Variants in LYN observed in about 807,000 individuals in gnomAD.
LYN encodes the protein LYN proto-oncogene, Src family tyrosine kinase.
Under a neutral mutation model 65.0 loss-of-function variants are expected in LYN, and 12 were observed. The observed-to-expected ratio is 0.18, with a 90% CI of 0.12 to 0.30. The LOEUF is 0.30. Among genes scored for constraint, LYN ranks in the 10% least tolerant of loss-of-function variants. The pLI, the probability that LYN is intolerant of heterozygous loss-of-function variation, is 1.00. For synonymous variants in LYN, 222 were observed against 221.2 expected (o/e 1.00, Z -0.03); for missense variants, 380 against 623.2 (o/e 0.61, Z 4.16).
At chr8:55,991,295 C>T (rs1045358726) in intron 10 of LYN, among the ~76,000 whole-genome samples, 5 of 152,298 alleles carry the variant, frequency 3.3e-5, no homozygotes, top group Admixed American at 6.5e-5. Flanking sequence ...GGGGTCAGAA[C>T]GTTGGGTAAG....
At chr8:55,918,357 A>G (rs72651478) in intron 1 of LYN, among the ~76,000 whole-genome samples, 2,132 of 152,308 alleles carry the variant, frequency 0.014, 24 homozygotes, top group Middle Eastern at 0.037. Flanking sequence ...GTGGAGATGT[A>G]AAAACACTGA....
At chr8:55,940,793 C>T (rs1271958912) in intron 1 of LYN, among the ~76,000 whole-genome samples, 2 of 152,188 alleles carry the variant, frequency 1.3e-5, no homozygotes, top group African/African-American at 2.4e-5. Context: ...AGCCGTCCTG[C>T]GTTAATGGAA....
intron 1 of LYN, among the ~76,000 whole-genome samples, chr8:55,931,232 A>G (rs917657443): frequency 2.7e-5 from 4 of 149,248 alleles, no homozygotes; most frequent in South Asian, 2.1e-4. Flanking sequence ...TATCCTATAC[A>G]TAACCTTATG....
chr8:55,964,842 C>T (rs1400090544), intron 8 of LYN, among the ~76,000 whole-genome samples: 1 of 152,258 alleles, frequency 6.6e-6, no homozygotes, highest in African/African-American at 2.4e-5. Flanking sequence ...TTGTTTTACT[C>T]AGCAGGCTTC....
Position 55,920,867 on chromosome 8 carries a change from T to A in LYN, c.-5-20988T>A, listed in dbSNP as rs940159788. On this transcript the variant is annotated intron_variant, in intron 1 of 12. Coordinates refer to ENST00000519728, the MANE Select transcript of LYN (RefSeq NM_002350.4). ...ATGTGCTACCACGCCTGGCTAATTT[T>A]TGTATTTTTAGTAGAGACAGGGTTT... is the stretch of plus-strand genomic sequence containing the variant. 5.3e-5 allele frequency among the ~76,000 whole-genome samples: 8 copies of A among 151,758 alleles called. No homozygotes were observed. In the South Asian group the frequency reaches 1.2e-3, roughly 24 times the overall value.
Position 55,907,301 on chromosome 8 carries a change from CT to C in LYN, c.-6+27206del, listed in dbSNP as rs112654600. Among the ~76,000 whole-genome samples the C allele has an allele frequency of 1.8e-3, 278 of 152,156 alleles. 6 individuals carry two copies. The highest frequency in any genetic ancestry group is 6.2e-3 in the African/African-American group (256 of 41,500). ...TTCAACACTGATTGAATCTCAAAAACTTTTTTTTCACCTATAACGTATTCTA... is the reference window on the plus strand; with the variant it reads ...TTCAACACTGATTGAATCTCAAAAACTTTTTTTCACCTATAACGTATTCTA... On this transcript the variant is annotated intron_variant, in intron 1 of 12. Transcript: ENST00000519728.
intron 2 of LYN, among the ~76,000 whole-genome samples, chr8:55,942,395 G>GTATATATATGTGTATATATATGTGTGTA (rs35946646): frequency 7.7e-6 from 1 of 130,680 alleles, no homozygotes; most frequent in African/African-American, 3.1e-5. Flanking sequence ...ATATATATGT[G>GTATATATATGTGTATATATATGTGTGTA]TATATATGTG....
chr8:55,880,381 T>C (rs1358499247), intron 1 of LYN, among the ~76,000 whole-genome samples: 1 of 150,352 alleles, frequency 6.7e-6, no homozygotes, highest in Non-Finnish European at 1.5e-5. Context: ...AGGGGAGCGG[T>C]GGGAGGTGCG....
intron 12 of LYN, among the ~76,000 whole-genome samples, chr8:56,003,055 G>GTT (rs1158928613): frequency 2.3e-4 from 34 of 147,450 alleles, no homozygotes; most frequent in African/African-American, 8.0e-4. Flanking sequence ...CTATGTTTTT[G>GTT]TTTTTTGTTT....
chr8:55,953,812 A>T lies in LYN; in HGVS notation c.638-20A>T. 6.2e-7 allele frequency: 1 copy of T among 1,611,972 alleles called. No homozygotes were observed. Among genetic ancestry groups the T allele is most frequent in the Non-Finnish European group, 8.5e-7 (1 of 1,178,948 alleles). ...CAAAGTATTGCATTTCTTAACCTTC[A>T]TTTTTCCCTTTCAAATTAGAGCAGG... On this transcript the variant is annotated intron_variant, in intron 7 of 12. Coordinates refer to ENST00000519728, the MANE Select transcript of LYN (RefSeq NM_002350.4).
chr8:55,909,852 A>T (rs1805546514), intron 1 of LYN, among the ~76,000 whole-genome samples: 1 of 151,980 alleles, frequency 6.6e-6, no homozygotes, highest in Non-Finnish European at 1.5e-5. Context: ...CATTTTTCTG[A>T]TGATTGGTGT....
intron 10 of LYN, among the ~76,000 whole-genome samples, chr8:55,987,948 G>A (rs1050825352): frequency 6.6e-6 from 1 of 152,188 alleles, no homozygotes; most frequent in South Asian, 2.1e-4. Context: ...CTAATACATG[G>A]TAGCAATCAT....
chr8:55,934,887 A>G (rs1428694512), intron 1 of LYN, among the ~76,000 whole-genome samples: 1 of 152,146 alleles, frequency 6.6e-6, no homozygotes, highest in African/African-American at 2.4e-5. Flanking sequence ...ACTCCTTCAG[A>G]CACCTCTTTC....
intron 1 of LYN, among the ~76,000 whole-genome samples, chr8:55,920,378 A>C (rs1805909994): frequency 6.6e-6 from 1 of 152,070 alleles, no homozygotes; most frequent in African/African-American, 2.4e-5. Context: ...ATGTCACAGC[A>C]ACATTTCTTA....
chr8:55,903,409 G>C (rs144272098), intron 1 of LYN, among the ~76,000 whole-genome samples: 62 of 152,296 alleles, frequency 4.1e-4, no homozygotes, highest in Non-Finnish European at 7.8e-4. Context: ...AAATATTAAG[G>C]CTTCTATATC....
chr8:55,971,247 G>C (rs1411946260), intron 10 of LYN, among the ~76,000 whole-genome samples: 1 of 152,212 alleles, frequency 6.6e-6, no homozygotes, highest in East Asian at 1.9e-4. Context: ...CAAAGTCTAT[G>C]CTGGCCCCTG....
intron 12 of LYN, among the ~76,000 whole-genome samples, chr8:56,009,448 C>T (rs1171793758): frequency 6.6e-6 from 1 of 152,178 alleles, no homozygotes; most frequent in African/African-American, 2.4e-5. Flanking sequence ...AAACAACAGA[C>T]GTTTATTTTT....
chr8:55,953,751 AGT>A (rs201831047), intron 7 of LYN, 79 bp from the exon 8 acceptor site: 66,278 of 1,333,344 alleles, frequency 0.05, 5,818 homozygotes, highest in African/African-American at 0.38. Flanking sequence ...CTATAAGGCT[AGT>A]GTTCAACTTT....
intron 10 of LYN, among the ~76,000 whole-genome samples, chr8:55,973,281 T>G (rs1357625328): frequency 6.6e-6 from 1 of 152,210 alleles, no homozygotes; most frequent in South Asian, 2.1e-4. Context: ...GAATGAGTTC[T>G]GAAAGACTTG....
Sources: allele counts gnomAD v4.1 joint callset (sites outside exome capture counted in the v4.1 genomes callset), GRCh38; gene constraint gnomAD v4.1.1; transcripts MANE v1.5; gene names NCBI Gene and HGNC (gene_info 2026-07-23, HGNC 2026-07-21).